Variants in TF observed in about 807,000 individuals in gnomAD.
TF encodes the protein transferrin.
TF carries 55 observed loss-of-function variants against 82.4 expected under a neutral mutation model. That is an observed-to-expected ratio of 0.67 (90% CI 0.54 to 0.84). The LOEUF (loss-of-function observed/expected upper bound fraction) is 0.84, where lower values mean the gene tolerates loss of function less well. Ranked by LOEUF, TF falls within the 40% of genes least tolerant of loss-of-function variation. The pLI is 0.00. For synonymous variants in TF, 332 were observed against 332.6 expected (o/e 1.00, Z 0.02); for missense variants, 737 against 868.4 (o/e 0.85, Z 1.90).
chr3:133,735,761 GA>G, the TF span, among the ~76,000 whole-genome samples: 1 of 152,078 alleles, frequency 6.6e-6, no homozygotes, highest in South Asian at 2.1e-4. Context: ...AGAGAAAAAA[GA>G]ATGAAAAAGA....
the TF span, among the ~76,000 whole-genome samples, chr3:133,718,416 C>A: frequency 2.0e-5 from 3 of 152,020 alleles, no homozygotes; most frequent in Admixed American, 2.0e-4. Context: ...TGCAGGCTGG[C>A]AGATCTGTTG....
rs1235689863 is a variant in TF at position 133,775,761 on chromosome 3, C to T, written c.1872+144C>T. On this transcript the variant is annotated intron_variant, in intron 15 of 16. Transcript: ENST00000402696. ...CATGCATTGTGCATTTCATGCCATG[C>T]ATTGTGGACTAGAGTATCAGGGTTC... 4.8e-6 allele frequency: 4 copies of T among 839,342 alleles called. No homozygotes were observed. In the Admixed American group the frequency reaches 8.6e-5, roughly 18 times the overall value. 52.0% of individuals were successfully genotyped at this position (839,342 alleles called of 1,614,324 possible).
At chr3:133,737,857 G>T in the TF span, among the ~76,000 whole-genome samples, 1 of 152,088 alleles carries the variant, frequency 6.6e-6, no homozygotes, top group African/African-American at 2.4e-5. Context: ...GGACCAGAAA[G>T]ATTCACAACT....
At chr3:133,662,860 C>T in the TF span, among the ~76,000 whole-genome samples, 1 of 152,032 alleles carries the variant, frequency 6.6e-6, no homozygotes, top group Non-Finnish European at 1.5e-5. Context: ...AGTATAATGC[C>T]ATGTCCCTTG....
At chr3:133,733,589 G>A in the TF span, among the ~76,000 whole-genome samples, 3 of 152,210 alleles carry the variant, frequency 2.0e-5, no homozygotes, top group East Asian at 3.9e-4. Context: ...GAGAAAAGGG[G>A]TTTCTTAGCC....
chr3:133,738,151 G>A, the TF span, among the ~76,000 whole-genome samples: 1 of 152,148 alleles, frequency 6.6e-6, no homozygotes, highest in African/African-American at 2.4e-5. Flanking sequence ...TGCAAGACTG[G>A]TTCAACATAC....
chr3:133,768,034 T>C lies in TF; in HGVS notation c.1492T>C (p.Phe498Leu). The change falls in exon 13 of 17, where the codon TTT (phenylalanine) becomes CTT (leucine). Residue 498 changes from phenylalanine (F) to leucine (L), a missense_variant. Phe to Leu is a conservative substitution (Grantham distance 22, BLOSUM62 0). Transcript: ENST00000402696. ...NKINHCRFDE[F>L]FSEGCAPGSK... ...CCTCTTGTCCTTCTGCACAGATGAA[T>C]TTTTCAGTGAAGGTTGTGCCCCTGG... The C allele has an allele frequency of 6.2e-7, 1 of 1,614,084 alleles. No individual in the cohort carries two copies. The highest frequency in any genetic ancestry group is 2.2e-5 in the East Asian group (1 of 44,882).
At chr3:133,762,858 A>C (rs1204069202) in intron 9 of TF, among the ~76,000 whole-genome samples, 1 of 152,222 alleles carries the variant, frequency 6.6e-6, no homozygotes, top group Non-Finnish European at 1.5e-5. Context: ...TTTTGGCATC[A>C]GTTTGCTACA....
In TF at chr3:133,794,262, A is replaced by G. The variant is rs1934913141; in HGVS notation, c.*15642A>G. The G allele has an allele frequency of 6.6e-6, 1 of 152,236 alleles. No individual in the cohort carries two copies. The highest frequency in any genetic ancestry group is 1.5e-5 in the Non-Finnish European group (1 of 68,040). 9.4% of individuals were successfully genotyped at this position (152,236 alleles called of 1,614,324 possible). On this transcript the variant is annotated 3_prime_UTR_variant, in exon 17 of 17. Transcript: ENST00000402696. ...AGATAAAATGATCCAAATTGAATAT[A>G]TTGATGTGGTGACTTATAAATTGCT... is the stretch of plus-strand genomic sequence containing the variant.
chr3:133,687,277 T>C, the TF span, among the ~76,000 whole-genome samples: 2 of 152,156 alleles, frequency 1.3e-5, no homozygotes, highest in Admixed American at 1.3e-4. Flanking sequence ...CACACCAACA[T>C]GGCACATGTA....
the TF span, among the ~76,000 whole-genome samples, chr3:133,668,138 G>A: frequency 2.6e-5 from 4 of 152,174 alleles, no homozygotes; most frequent in South Asian, 2.1e-4. Context: ...CAATTACCAC[G>A]TGAAACTGAC....
At chr3:133,670,290 A>G in the TF span, among the ~76,000 whole-genome samples, 36 of 152,352 alleles carry the variant, frequency 2.4e-4, 1 homozygote, top group African/African-American at 6.7e-4. Context: ...CACTTAGTAC[A>G]ATGCCTGGTA....
intron 8 of TF, 54 bp from the exon 9 acceptor site, chr3:133,759,121 C>T: frequency 1.2e-6 from 2 of 1,611,260 alleles, no homozygotes; most frequent in Non-Finnish European, 1.7e-6. Flanking sequence ...TGCTGACAAA[C>T]ACCAGGCAAC....
intron 16 of TF, 139 bp from the exon 17 acceptor site, chr3:133,778,447 G>C: frequency 1.2e-6 from 1 of 844,862 alleles, no homozygotes; most frequent in Non-Finnish European, 1.9e-6. Context: ...AAGAGCACTG[G>C]GAGAACGGCC....
the TF span, among the ~76,000 whole-genome samples, chr3:133,677,463 C>T: frequency 2.0e-5 from 3 of 152,148 alleles, no homozygotes; most frequent in South Asian, 2.1e-4. Flanking sequence ...ATGGTGAAAC[C>T]GTGTCTCTAC....
At chr3:133,742,301 A>G (rs1933407467), upstream of TF, among the ~76,000 whole-genome samples, 1 of 152,122 alleles carries the variant, frequency 6.6e-6, no homozygotes, top group Non-Finnish European at 1.5e-5. Context: ...TAAATGTTTG[A>G]TGGAATTCAT....
At chr3:133,759,469 C>A (rs1933928518) in intron 9 of TF, 140 bp downstream of exon 9, 2 of 1,024,352 alleles carry the variant, frequency 2.0e-6, no homozygotes, top group South Asian at 1.3e-5. Context: ...TGAGCACAGC[C>A]CCACCGGAGG....
intron 2 of TF, among the ~76,000 whole-genome samples, chr3:133,751,863 C>T (rs923762846): frequency 6.6e-6 from 1 of 151,780 alleles, no homozygotes; most frequent in Admixed American, 6.6e-5. Context: ...GGTGTGATGG[C>T]AGGCGCCTTA....
chr3:133,748,370 C>T, intron 1 of TF, 42 bp from the exon 2 acceptor site: 1 of 1,613,018 alleles, frequency 6.2e-7, no homozygotes, highest in Non-Finnish European at 8.5e-7. Context: ...TCTCCCTCAG[C>T]ATAGGGAGTG....
Sources: allele counts gnomAD v4.1 joint callset (sites outside exome capture counted in the v4.1 genomes callset), GRCh38; gene constraint gnomAD v4.1.1; transcripts MANE v1.5; gene names NCBI Gene and HGNC (gene_info 2026-07-23, HGNC 2026-07-21).